PLCD4: variants seen among roughly 807,000 people sequenced by gnomAD.
PLCD4 encodes phospholipase C delta 4, also known as 1-phosphatidylinositol 4,5-bisphosphate phosphodiesterase delta-4.
In PLCD4, 63 loss-of-function variants were observed where a neutral mutation model predicts 90.2. The observed-to-expected ratio is 0.70, with a 90% confidence interval of 0.57 to 0.86. PLCD4 has a LOEUF of 0.86. PLCD4 is among the 40% of genes least tolerant of loss of function. PLCD4 has a pLI of 0.00. For synonymous variants in PLCD4, 294 were observed against 356.5 expected, an observed-to-expected ratio of 0.82 and a Z score of 1.97; for missense variants, 830 against 956.3, an observed-to-expected ratio of 0.87 and a Z score of 1.74.
chr2:218,634,020 G>C lies in PLCD4; in HGVS notation c.1607-85G>C. 1 of 1,504,906 alleles carries C rather than the reference G, an allele frequency of 6.6e-7. No homozygotes were observed. The highest frequency in any genetic ancestry group is 9.0e-7 in the Non-Finnish European group (1 of 1,113,604). The allele number at this position is 1,504,906 out of a possible 1,614,324, so 93.2% of individuals were successfully genotyped here. On this transcript the variant is annotated intron_variant, in intron 11 of 15. Coordinates refer to ENST00000450993, the MANE Select transcript of PLCD4 (RefSeq NM_032726.4). This position sits in a 1 kb window ranked among gnomAD's most constrained non-coding sequence, Gnocchi z 4.0. ...AGCCAGCTTCAGATGCTGGAGAGAA[G>C]GGTGAAGAGTAGGCATGGTCCTTGG...
intron 1 of PLCD4, among the ~76,000 whole-genome samples, chr2:218,611,668 G>C (rs969067293): frequency 7.9e-5 from 12 of 152,242 alleles, no homozygotes; most frequent in Admixed American, 7.8e-4. Flanking sequence ...GTGCAATCTC[G>C]GCTCACTGCA....
At position 218,634,754 on chromosome 2, in the gene PLCD4, T is replaced by A; in HGVS notation, c.1896+124T>A. On this transcript the variant is annotated intron_variant, in intron 13 of 15. Coordinates refer to ENST00000450993, the MANE Select transcript of PLCD4 (RefSeq NM_032726.4). This position sits in a 1 kb window ranked among gnomAD's most constrained non-coding sequence, Gnocchi z 4.0. ...CCTATTAACAGTGTCTAGTTTTAGCTTTTGGAGCCAGCTGCCTAGCTTCAA... is the reference window on the plus strand; with the variant it reads ...CCTATTAACAGTGTCTAGTTTTAGCATTTGGAGCCAGCTGCCTAGCTTCAA... The A allele has an allele frequency of 3.3e-6, 4 of 1,194,728 alleles. No homozygotes were observed. The highest frequency in any genetic ancestry group is 4.7e-6 in the Non-Finnish European group (4 of 850,116). 74.0% of individuals were successfully genotyped at this position (1,194,728 alleles called of 1,614,324 possible). A position where few individuals can be genotyped will look rare whatever the true frequency, so the allele number is the denominator to read the frequency against.
chr2:218,632,353 CT>C, intron 10 of PLCD4, 41 bp downstream of exon 10: 1 of 1,552,084 alleles, frequency 6.4e-7, no homozygotes, highest in Non-Finnish European at 8.7e-7. Flanking sequence ...ATTTAGTCAA[CT>C]TATGCAAGCT....
rs759583228 is a variant in PLCD4, at chr2:218,632,353, C to T, written c.1449+41C>T. On this transcript the variant is annotated intron_variant, in intron 10 of 15. Coordinates refer to ENST00000450993, the MANE Select transcript of PLCD4 (RefSeq NM_032726.4). ...TCTTTCTGCTGTGGTATTTAGTCAACTTATGCAAGCTGAAGGCCTGTTCAT... is the reference window on the plus strand; with the variant it reads ...TCTTTCTGCTGTGGTATTTAGTCAATTTATGCAAGCTGAAGGCCTGTTCAT... The T allele has an allele frequency of 2.6e-6, 4 of 1,552,084 alleles. No homozygotes were observed. The South Asian group carries it at 4.8e-5, about 19-fold the overall frequency.
Position 218,622,692 on chromosome 2 carries a change from G to A in PLCD4, c.586G>A (p.Val196Ile), listed in dbSNP as rs370534984. The part of the protein sequence containing the change: ...QSGTLEGEEF[V>I]QFYKALTKRA... The stretch of plus-strand genomic sequence containing the variant: ...TGGAACCCTGGAAGGAGAAGAATTC[G>A]TACAGTTCTATAAGGCATTGACTAA... The change falls in exon 6 of 16, where the codon GTA (valine) becomes ATA (isoleucine). Residue 196 changes from valine to isoleucine, a missense_variant. Physicochemically the swap from Val to Ile is conservative, Grantham distance 29. Transcript: ENST00000450993. 5 of 1,613,974 alleles carry A rather than the reference G, an allele frequency of 3.1e-6. No homozygotes were observed. The highest frequency in any genetic ancestry group is 4.2e-6 in the Non-Finnish European group (5 of 1,179,892).
intron 8 of PLCD4, 36 bp downstream of exon 8, chr2:218,629,699 G>A (rs1451787680): frequency 1.9e-6 from 3 of 1,599,666 alleles, no homozygotes; most frequent in Non-Finnish European, 2.6e-6. Flanking sequence ...GGTGAGGCCA[G>A]AAGGTCTGAG....
intron 7 of PLCD4, chr2:218,628,664 G>C (rs1263265960): frequency 6.0e-6 from 1 of 167,530 alleles, no homozygotes; most frequent in African/African-American, 2.4e-5. Context: ...GATGGTAACA[G>C]TGCCTATTCT....
At chr2:218,620,511 T>C (rs749755558) in intron 4 of PLCD4, among the ~76,000 whole-genome samples, 2 of 150,858 alleles carry the variant, frequency 1.3e-5, no homozygotes, top group African/African-American at 2.4e-5. Flanking sequence ...CAAAAAAATT[T>C]TTTTTCTTTA....
chr2:218,624,076 C>A (rs1003656931), intron 6 of PLCD4, among the ~76,000 whole-genome samples: 3 of 152,194 alleles, frequency 2.0e-5, no homozygotes, highest in African/African-American at 7.2e-5. Flanking sequence ...TAGAAAGATT[C>A]AATGACTTGC....
chr2:218,633,123 A>C (rs1696479153), intron 10 of PLCD4: 1 of 465,164 alleles, frequency 2.1e-6, no homozygotes, highest in South Asian at 3.1e-5. Context: ...TTACTCTGGG[A>C]CTCTCACATC....
intron 6 of PLCD4, among the ~76,000 whole-genome samples, chr2:218,624,368 T>TA (rs1315440567): frequency 6.6e-6 from 1 of 152,140 alleles, no homozygotes; most frequent in Non-Finnish European, 1.5e-5. Flanking sequence ...TCATGAAACT[T>TA]AGAGTCAAAC....
chr2:218,625,925 C>T (rs1052510220), intron 6 of PLCD4, among the ~76,000 whole-genome samples: 2 of 151,974 alleles, frequency 1.3e-5, no homozygotes, highest in African/African-American at 4.8e-5. Flanking sequence ...CAGAGCGAGA[C>T]TCCATCTCAA....
chr2:218,620,520 T>C (rs943074050), intron 4 of PLCD4, among the ~76,000 whole-genome samples: 2 of 151,146 alleles, frequency 1.3e-5, no homozygotes, highest in African/African-American at 4.8e-5. Flanking sequence ...TTTTTTTCTT[T>C]AATTATAAAA....
At chr2:218,609,117 T>A (rs1487499240) in intron 1 of PLCD4, 1 of 141,420 alleles carries the variant, frequency 7.1e-6, no homozygotes, top group African/African-American at 2.7e-5. Flanking sequence ...CACTCCAGCC[T>A]GGGCGACAGC....
In PLCD4 at chr2:218,622,551, T is replaced by C. The variant is rs968583305; in HGVS notation, c.541-96T>C. Reference sequence around the variant, plus strand: ...ACTGTATAAATATATACACCTACTATGTACCCAGAAAAATTTAAAAAAAAA... The same window carrying C: ...ACTGTATAAATATATACACCTACTACGTACCCAGAAAAATTTAAAAAAAAA... On this transcript the variant is annotated intron_variant, in intron 5 of 15. Transcript: ENST00000450993. 29 of 711,532 alleles carry C rather than the reference T, an allele frequency of 4.1e-5. No individual in the cohort carries two copies. In the African/African-American group the frequency reaches 4.1e-4, roughly 10 times the overall value. 44.1% of individuals were successfully genotyped at this position (711,532 alleles called of 1,614,324 possible).
chr2:218,609,128 G>C (rs1227806824), intron 1 of PLCD4: 1 of 147,232 alleles, frequency 6.8e-6, no homozygotes. Context: ...GGGCGACAGC[G>C]AGACTCTGTC....
At chr2:218,630,588 TGAA>T (rs1559274372) in intron 8 of PLCD4, 59 bp from the exon 9 acceptor site, 1 of 1,604,752 alleles carries the variant, frequency 6.2e-7, no homozygotes, top group Non-Finnish European at 8.5e-7. Flanking sequence ...AGCGGGTACT[TGAA>T]GAAGTAGGTT....
At chr2:218,614,092 C>G (rs1183017068) in intron 1 of PLCD4, among the ~76,000 whole-genome samples, 1 of 151,380 alleles carries the variant, frequency 6.6e-6, no homozygotes, top group East Asian at 1.9e-4. Context: ...TAATCTCGGC[C>G]CACTGCAACC....
intron 6 of PLCD4, 24 bp downstream of exon 6, chr2:218,622,902 C>A: frequency 6.3e-7 from 1 of 1,591,752 alleles, no homozygotes; most frequent in African/African-American, 1.3e-5. Context: ...GGTGGAGAGG[C>A]ACCAGACATA....
Sources: allele counts gnomAD v4.1 joint callset (sites outside exome capture counted in the v4.1 genomes callset), GRCh38; gene constraint gnomAD v4.1.1; non-coding constraint Gnocchi (gnomAD v3.1); transcripts MANE v1.5; gene names NCBI Gene and HGNC (gene_info 2026-07-23, HGNC 2026-07-21).